MAD1L1: variants seen among roughly 807,000 people sequenced by gnomAD.
MAD1L1 encodes mitotic arrest deficient 1 like 1.
A neutral mutation model predicts 96.9 loss-of-function variants in MAD1L1; 95 were observed. The observed-to-expected ratio is 0.98, with a 90% CI of 0.83 to 1.16. MAD1L1 has a LOEUF of 1.16. Ranked by LOEUF, MAD1L1 falls within the 50% of genes most tolerant of loss-of-function variation. MAD1L1 has a pLI of 0.00. For synonymous variants in MAD1L1, 473 were observed against 396.6 expected (o/e 1.19, Z -2.29); for missense variants, 1,007 against 954.4 (o/e 1.06, Z -0.73).
chr7:1,847,726 G>A (rs6957894), intron 18 of MAD1L1: 169,816 of 469,480 alleles, frequency 0.36, 31,897 homozygotes, highest in Admixed American at 0.47. Flanking sequence ...CCATCGCTTC[G>A]GCGTCCCTGG....
intron 12 of MAD1L1, among the ~76,000 whole-genome samples, chr7:2,059,787 G>C (rs1221016082): frequency 2.6e-5 from 4 of 152,110 alleles, no homozygotes; most frequent in Middle Eastern, 3.2e-3. Context: ...ACCAGCATCA[G>C]AGCAAGGTTG....
intron 14 of MAD1L1, among the ~76,000 whole-genome samples, chr7:1,996,621 G>C (rs1167372687): frequency 6.6e-6 from 1 of 152,230 alleles, no homozygotes; most frequent in Non-Finnish European, 1.5e-5. Flanking sequence ...GACAAAGAAG[G>C]GTGGGGGACG....
chr7:1,906,816 G>C (rs996249099), intron 17 of MAD1L1, among the ~76,000 whole-genome samples: 2 of 152,234 alleles, frequency 1.3e-5, no homozygotes, highest in Non-Finnish European at 2.9e-5. Flanking sequence ...CCCTGCGCAA[G>C]CTACACAGTC....
chr7:1,844,386 GCTGGGGGGAGAC>G (rs1436060583), intron 18 of MAD1L1: 1 of 152,498 alleles, frequency 6.6e-6, no homozygotes, highest in African/African-American at 2.4e-5. Context: ...CCACCTCCAG[GCTGGGGGGAGAC>G]CTGGGGAGAG....
At chr7:2,075,995 A>G (rs920485161) in intron 11 of MAD1L1, among the ~76,000 whole-genome samples, 13 of 152,212 alleles carry the variant, frequency 8.5e-5, no homozygotes, top group African/African-American at 3.1e-4. Flanking sequence ...ACCGCGGGAG[A>G]CAGGCTCTGA....
intron 18 of MAD1L1, among the ~76,000 whole-genome samples, chr7:1,879,218 A>T (rs1272746175): frequency 6.6e-6 from 1 of 152,108 alleles, no homozygotes. Flanking sequence ...TCATGCCTGT[A>T]TTACAGGCAG....
rs1421625370 is a variant in MAD1L1, at chr7:2,103,392, C to CT, written c.1074-34055dup. ...GACGGCACATGGGACATCGCCATGCCTAGTGATGACGTTTCTGTTTGGAAG... is the reference window on the plus strand; with the variant it reads ...GACGGCACATGGGACATCGCCATGCCTTAGTGATGACGTTTCTGTTTGGAAG... On this transcript the variant is annotated intron_variant, in intron 11 of 18. Coordinates refer to ENST00000265854, the MANE Select transcript of MAD1L1 (RefSeq NM_001013836.2). The surrounding 1 kb of genome is among the most constrained non-coding windows in gnomAD (Gnocchi z 4.3). 6.6e-6 allele frequency among the ~76,000 whole-genome samples: 1 copy of CT among 152,180 alleles called. No homozygotes were observed. The highest frequency in any genetic ancestry group is 1.5e-5 in the Non-Finnish European group (1 of 68,036).
intron 13 of MAD1L1, 86 bp downstream of exon 13, chr7:2,014,416 T>C (rs1584082850): frequency 6.9e-7 from 1 of 1,459,378 alleles, no homozygotes; most frequent in Non-Finnish European, 9.1e-7. Flanking sequence ...GGTCCAGACC[T>C]CCACCTCCCC....
chr7:1,925,114 T>TTAAC (rs2128458185), intron 17 of MAD1L1, among the ~76,000 whole-genome samples: 1 of 152,142 alleles, frequency 6.6e-6, no homozygotes, highest in Admixed American at 6.5e-5. Flanking sequence ...AAAAATTACA[T>TTAAC]TAACTATAAA....
intron 18 of MAD1L1, among the ~76,000 whole-genome samples, chr7:1,871,286 T>C (rs904655878): frequency 7.8e-6 from 1 of 128,874 alleles, no homozygotes; most frequent in African/African-American, 3.0e-5. Context: ...GAACCCATTG[T>C]AACACCTGCC....
intron 16 of MAD1L1, among the ~76,000 whole-genome samples, chr7:1,956,753 G>A (rs946943973): frequency 6.6e-6 from 1 of 152,244 alleles, no homozygotes; most frequent in African/African-American, 2.4e-5. Flanking sequence ...GAACAGGGAT[G>A]GTGGCCAGGC....
intron 15 of MAD1L1, among the ~76,000 whole-genome samples, chr7:1,960,638 G>A (rs895693013): frequency 1.3e-5 from 2 of 152,164 alleles, no homozygotes; most frequent in African/African-American, 4.8e-5. Flanking sequence ...TAAAAGAGCT[G>A]CAAAACAAAT....
intron 18 of MAD1L1, among the ~76,000 whole-genome samples, chr7:1,879,369 C>A (rs1023963711): frequency 6.6e-6 from 1 of 151,008 alleles, no homozygotes; most frequent in African/African-American, 2.4e-5. Context: ...GCAGGAGAAT[C>A]GCTTGAACCT....
At chr7:1,898,101 G>A (rs939311749) in intron 18 of MAD1L1, 99 bp downstream of exon 18, 2 of 1,280,394 alleles carry the variant, frequency 1.6e-6, no homozygotes, top group Admixed American at 2.0e-5. Flanking sequence ...ATCCCCTTTG[G>A]ACGCGAGGCT....
intron 16 of MAD1L1, among the ~76,000 whole-genome samples, chr7:1,948,297 C>T (rs1038047105): frequency 6.6e-6 from 1 of 152,152 alleles, no homozygotes; most frequent in Non-Finnish European, 1.5e-5. Flanking sequence ...GCCATGGGCC[C>T]CAGCAAACGC....
At chr7:2,124,376 G>A (rs1050054161) in intron 11 of MAD1L1, among the ~76,000 whole-genome samples, 1 of 152,230 alleles carries the variant, frequency 6.6e-6, no homozygotes, top group Non-Finnish European at 1.5e-5. Context: ...TTTGGGAAGA[G>A]CCCAACGTGC....
At chr7:2,027,886 G>A (rs946223826) in intron 12 of MAD1L1, among the ~76,000 whole-genome samples, 5 of 152,188 alleles carry the variant, frequency 3.3e-5, no homozygotes, top group African/African-American at 7.2e-5. Flanking sequence ...TGAAAGGTAC[G>A]AAGATCAAGA....
rs1326925314 is a variant in MAD1L1, at chr7:1,957,725, A to C, written c.1506-6T>G. The C allele has an allele frequency of 1.9e-6, 3 of 1,613,896 alleles. No individual in the cohort carries two copies. The Admixed American group carries it at 5.0e-5, about 27-fold the overall frequency. On this transcript the variant is annotated splice_region_variant and splice_polypyrimidine_tract_variant and intron_variant, in intron 15 of 18. Coordinates refer to ENST00000265854, the MANE Select transcript of MAD1L1 (RefSeq NM_001013836.2). ...CCAGCTCCTCGACCTTCAACCTGCA[A>C]GGACAGCAAGACGGTGACCAGGTGT...
At chr7:1,887,850 TGTGTGTGTGCAC>T (rs1316303333) in intron 18 of MAD1L1, among the ~76,000 whole-genome samples, 1 of 28,840 alleles carries the variant, frequency 3.5e-5, no homozygotes, top group Non-Finnish European at 5.9e-5. Context: ...GTCCTGTGCG[TGTGTGTGTGCAC>T]GTGTGTGTGC....
Sources: allele counts gnomAD v4.1 joint callset (sites outside exome capture counted in the v4.1 genomes callset), GRCh38; gene constraint gnomAD v4.1.1; non-coding constraint Gnocchi (gnomAD v3.1); transcripts MANE v1.5; gene names NCBI Gene and HGNC (gene_info 2026-07-23, HGNC 2026-07-21).